Variants in YPEL2 observed in about 807,000 individuals in gnomAD.
YPEL2 encodes the protein yippee like 2, also known as protein yippee-like 2.
Under a neutral mutation model 19.1 loss-of-function variants are expected in YPEL2, and 2 were observed. The ratio of observed to expected loss-of-function variants is 0.10; its 90% CI spans 0.04 to 0.33. The LOEUF is 0.33. Among genes scored for constraint, YPEL2 ranks in the 10% least tolerant of loss-of-function variants. The pLI, the probability that YPEL2 is intolerant of heterozygous loss-of-function variation, is 1.00. For synonymous variants in YPEL2, 52 were observed against 50.0 expected, an observed-to-expected ratio of 1.04 and a Z score of -0.17; for missense variants, 66 against 140.7, an observed-to-expected ratio of 0.47 and a Z score of 2.68.
At chr17:59,334,310 A>C (rs72831252) in intron 1 of YPEL2, among the ~76,000 whole-genome samples, 5,273 of 149,500 alleles carry the variant, frequency 0.035, 140 homozygotes, top group Middle Eastern at 0.061. Context: ...CCAGCTGAAG[A>C]AGAGGTTGAT....
At chr17:59,344,697 G>A (rs1005402811) in intron 1 of YPEL2, among the ~76,000 whole-genome samples, 1 of 152,196 alleles carries the variant, frequency 6.6e-6, no homozygotes, top group Non-Finnish European at 1.5e-5. Flanking sequence ...GGCAGCGGTT[G>A]CAGTGAGCCA....
At chr17:59,341,946 C>T (rs547838524) in intron 1 of YPEL2, among the ~76,000 whole-genome samples, 4 of 152,316 alleles carry the variant, frequency 2.6e-5, no homozygotes, top group African/African-American at 9.6e-5. Flanking sequence ...TAACTTCCAA[C>T]TTTGGGCTGG....
intron 4 of YPEL2, among the ~76,000 whole-genome samples, chr17:59,394,721 G>T (rs1390431261): frequency 6.6e-6 from 1 of 152,214 alleles, no homozygotes; most frequent in Non-Finnish European, 1.5e-5. Flanking sequence ...TCGGCACTTT[G>T]GGAGGCCAAG....
intron 2 of YPEL2, among the ~76,000 whole-genome samples, chr17:59,386,046 G>C (rs1331065805): frequency 6.6e-6 from 1 of 152,180 alleles, no homozygotes; most frequent in Non-Finnish European, 1.5e-5. Context: ...AAACAGGCCG[G>C]GTGCGGTGGC....
chr17:59,332,491 C>T (rs931065509), intron 1 of YPEL2, among the ~76,000 whole-genome samples: 1 of 152,136 alleles, frequency 6.6e-6, no homozygotes, highest in Admixed American at 6.5e-5. Flanking sequence ...GCCTCTGCCG[C>T]GAGCGCCTCC....
chr17:59,377,998 T>C (rs182849143), intron 2 of YPEL2, among the ~76,000 whole-genome samples: 4 of 152,202 alleles, frequency 2.6e-5, no homozygotes, highest in African/African-American at 9.7e-5. Context: ...ATCGGCAATA[T>C]GTTCCTCCTT....
intron 1 of YPEL2, among the ~76,000 whole-genome samples, chr17:59,349,173 CAAAAAAAA>C (rs57129006): frequency 1.7e-5 from 1 of 57,512 alleles, no homozygotes. Context: ...GACTCCGTCT[CAAAAAAAA>C]AAAAAAAAAA....
chr17:59,378,104 G>A (rs972264482), intron 2 of YPEL2, among the ~76,000 whole-genome samples: 7 of 152,116 alleles, frequency 4.6e-5, no homozygotes, highest in African/African-American at 1.7e-4. Context: ...AGGCTCCAAA[G>A]CCGGCATCCT....
intron 4 of YPEL2, among the ~76,000 whole-genome samples, chr17:59,392,259 G>C (rs1413536710): frequency 6.6e-6 from 1 of 152,116 alleles, no homozygotes; most frequent in African/African-American, 2.4e-5. Context: ...CCCACTTGAG[G>C]TTCAGGTAAA....
chr17:59,349,369 T>C (rs2047775372), intron 1 of YPEL2, among the ~76,000 whole-genome samples: 2 of 146,166 alleles, frequency 1.4e-5, no homozygotes, highest in South Asian at 2.2e-4. Flanking sequence ...TTTTTTTTTT[T>C]TTTTTTTTTG....
At chr17:59,366,969 G>A (rs1380827770) in intron 2 of YPEL2, among the ~76,000 whole-genome samples, 6 of 152,204 alleles carry the variant, frequency 3.9e-5, no homozygotes, top group Non-Finnish European at 8.8e-5. Flanking sequence ...TCTGAGCATC[G>A]TGGGGGCAGG....
chr17:59,387,752 G>A (rs1485401039), intron 2 of YPEL2, among the ~76,000 whole-genome samples: 1 of 152,242 alleles, frequency 6.6e-6, no homozygotes, highest in Non-Finnish European at 1.5e-5. Flanking sequence ...CATCTCAAAA[G>A]AGCTCCTGTG....
At chr17:59,380,076 G>T (rs1439691856) in intron 2 of YPEL2, among the ~76,000 whole-genome samples, 2 of 151,098 alleles carry the variant, frequency 1.3e-5, no homozygotes, top group Non-Finnish European at 2.9e-5. Context: ...GGCCAGGCTG[G>T]TCTCGAACTC....
intron 1 of YPEL2, among the ~76,000 whole-genome samples, chr17:59,340,057 T>A (rs959274279): frequency 6.6e-6 from 1 of 151,978 alleles, no homozygotes; most frequent in Non-Finnish European, 1.5e-5. Flanking sequence ...TGGCCAGGAA[T>A]GGTTTGCAAT....
At chr17:59,365,289 C>A (rs1411481230) in intron 2 of YPEL2, among the ~76,000 whole-genome samples, 1 of 152,186 alleles carries the variant, frequency 6.6e-6, no homozygotes, top group Non-Finnish European at 1.5e-5. Context: ...CCAGGGGGAC[C>A]AGCAGGTCTC....
intron 2 of YPEL2, among the ~76,000 whole-genome samples, chr17:59,383,830 C>T (rs1337588845): frequency 2.6e-5 from 4 of 151,412 alleles, no homozygotes; most frequent in South Asian, 2.1e-4. Flanking sequence ...CAGATTCATC[C>T]GTGTTGTTCT....
At chr17:59,380,500 C>G (rs1020972684) in intron 2 of YPEL2, among the ~76,000 whole-genome samples, 2 of 152,134 alleles carry the variant, frequency 1.3e-5, no homozygotes, top group Admixed American at 1.3e-4. Context: ...GAACTCCTGA[C>G]CTCAAGTGAT....
intron 2 of YPEL2, among the ~76,000 whole-genome samples, chr17:59,367,401 C>G (rs1427231791): frequency 6.6e-6 from 1 of 152,150 alleles, no homozygotes; most frequent in Non-Finnish European, 1.5e-5. Flanking sequence ...ATCCAAAGGT[C>G]TGCAAAACTT....
rs776486856 is a variant in YPEL2 at position 59,335,030 on chromosome 17, G to T, written c.-196+3206G>T. On this transcript the variant is annotated intron_variant, in intron 1 of 4. Coordinates refer to ENST00000312655, the MANE Select transcript of YPEL2 (RefSeq NM_001005404.4). ...GGGTTTGTCAGGCAAACCACTAGGT[G>T]CTCTGACAACTGCATTCCCCTGAGC... 8.5e-5 allele frequency among the ~76,000 whole-genome samples: 13 copies of T among 152,328 alleles called. No homozygotes were observed. In the South Asian group the frequency reaches 2.1e-3, roughly 24 times the overall value.
Sources: allele counts gnomAD v4.1 joint callset (sites outside exome capture counted in the v4.1 genomes callset), GRCh38; gene constraint gnomAD v4.1.1; transcripts MANE v1.5; gene names NCBI Gene and HGNC (gene_info 2026-07-23, HGNC 2026-07-21).